ADAMTS2: variants seen among roughly 807,000 people sequenced by gnomAD.
ADAMTS2 encodes A disintegrin and metalloproteinase with thrombospondin motifs 2.
Under a neutral mutation model 123.0 loss-of-function variants are expected in ADAMTS2, and 50 were observed. The ratio of observed to expected loss-of-function variants is 0.41; its 90% CI spans 0.32 to 0.51. The LOEUF (loss-of-function observed/expected upper bound fraction) is 0.51, where lower values mean the gene tolerates loss of function less well. ADAMTS2 is among the 20% of genes least tolerant of loss of function. The pLI is 0.35. For synonymous variants in ADAMTS2, 678 were observed against 695.4 expected (o/e 0.98, Z 0.39); for missense variants, 1,494 against 1,705.2 (o/e 0.88, Z 2.18).
At chr5:179,186,390 G>A (rs1295847190) in intron 4 of ADAMTS2, among the ~76,000 whole-genome samples, 1 of 152,230 alleles carries the variant, frequency 6.6e-6, no homozygotes, top group Non-Finnish European at 1.5e-5. Flanking sequence ...ATCAGGAACA[G>A]ACATGGGGGG....
chr5:179,209,727 T>C (rs1764808005), intron 3 of ADAMTS2, among the ~76,000 whole-genome samples: 1 of 152,162 alleles, frequency 6.6e-6, no homozygotes, highest in South Asian at 2.1e-4. Flanking sequence ...CTCAGGGCCA[T>C]CCATGCCGTT....
intron 5 of ADAMTS2, among the ~76,000 whole-genome samples, chr5:179,179,118 T>C (rs1763991996): frequency 6.6e-6 from 1 of 152,088 alleles, no homozygotes; most frequent in Non-Finnish European, 1.5e-5. Context: ...CTAATTTTTG[T>C]ATTTTTTTGG....
At position 179,181,846 on chromosome 5, in the gene ADAMTS2, C is replaced by T. The variant is rs902531403; in HGVS notation, c.892-691G>A. Among the ~76,000 whole-genome samples, 1 of 152,100 alleles carries T rather than the reference C, an allele frequency of 6.6e-6. No individual in the cohort carries two copies. The highest frequency in any genetic ancestry group is 2.4e-5 in the African/African-American group (1 of 41,406). ...TGGGCTTCAGCAGATATCAAAGGGA[C>T]CCGTGGCACAAAAACAGGGGGGTGA... is the stretch of plus-strand genomic sequence containing the variant. On this transcript the variant is annotated intron_variant, in intron 4 of 21. Transcript: ENST00000251582. The surrounding 1 kb of genome is among the most constrained non-coding windows in gnomAD (Gnocchi z 4.1).
chr5:179,245,791 A>ACAAAC (rs1561628647), intron 3 of ADAMTS2, among the ~76,000 whole-genome samples: 2 of 85,644 alleles, frequency 2.3e-5, no homozygotes, highest in African/African-American at 6.5e-5. Context: ...AAAAAAAAAA[A>ACAAAC]AAAACAAAAA....
At position 179,178,789 on chromosome 5, in the gene ADAMTS2, G is replaced by A. The variant is rs1763985523; in HGVS notation, c.975+2283C>T. On this transcript the variant is annotated intron_variant, in intron 5 of 21. Transcript: ENST00000251582. ...TGTTGCTGTTGAAATTCATTCAAAT[G>A]TACTGAGTTGAAGGCAGGGCTAATG... Among the ~76,000 whole-genome samples the A allele has an allele frequency of 1.3e-5, 2 of 152,110 alleles. 1 individual carries two copies. Among genetic ancestry groups the A allele is most frequent in the Non-Finnish European group, 2.9e-5 (2 of 68,018 alleles).
chr5:179,271,788 G>C (rs1219249814), intron 3 of ADAMTS2, among the ~76,000 whole-genome samples: 1 of 152,226 alleles, frequency 6.6e-6, no homozygotes, highest in Non-Finnish European at 1.5e-5. Flanking sequence ...CATGAAATTA[G>C]AAGTATGCCT....
At chr5:179,253,397 A>G (rs894424132) in intron 3 of ADAMTS2, among the ~76,000 whole-genome samples, 1 of 152,128 alleles carries the variant, frequency 6.6e-6, no homozygotes, top group African/African-American at 2.4e-5. Flanking sequence ...TAATCCCAGC[A>G]CTTTGGGAGG....
chr5:179,260,822 T>G lies in ADAMTS2; in HGVS notation c.688+12089A>C, dbSNP rs1272700063. Among the ~76,000 whole-genome samples the G allele has an allele frequency of 6.6e-6, 1 of 152,204 alleles. No homozygotes were observed. Among genetic ancestry groups the G allele is most frequent in the African/African-American group, 2.4e-5 (1 of 41,458 alleles). On this transcript the variant is annotated intron_variant, in intron 3 of 21. Coordinates refer to ENST00000251582, the MANE Select transcript of ADAMTS2 (RefSeq NM_014244.5). The surrounding 1 kb of genome is among the most constrained non-coding windows in gnomAD (Gnocchi z 4.2). ...CAACGGTAAGTGCTCCAGGAACGCG[T>G]CACGTTCTTCTTGCTCCCTGCTGTT...
rs1384098366 is a variant in ADAMTS2 at position 179,262,724 on chromosome 5, C to T, written c.688+10187G>A. On this transcript the variant is annotated intron_variant, in intron 3 of 21. Coordinates refer to ENST00000251582, the MANE Select transcript of ADAMTS2 (RefSeq NM_014244.5). This position sits in a 1 kb window ranked among gnomAD's most constrained non-coding sequence, Gnocchi z 5.9. ...GCCTTCTCACGCTGCCCTTTCACCCCGTTTTACTTTGTTCACAGGATTCTC... is the reference window on the plus strand; with the variant it reads ...GCCTTCTCACGCTGCCCTTTCACCCTGTTTTACTTTGTTCACAGGATTCTC... 2.0e-5 allele frequency among the ~76,000 whole-genome samples: 3 copies of T among 152,192 alleles called. No individual in the cohort carries two copies. The highest frequency in any genetic ancestry group is 1.9e-4 in the East Asian group (1 of 5,198).
chr5:179,125,304 T>TC, intron 18 of ADAMTS2, 124 bp from the exon 19 acceptor site: 1 of 793,364 alleles, frequency 1.3e-6, no homozygotes, highest in Admixed American at 2.0e-5. Context: ...CCTGCACCCC[T>TC]CCCCGGTGCA....
chr5:179,222,955 C>T (rs1436857584), intron 3 of ADAMTS2, among the ~76,000 whole-genome samples: 3 of 152,222 alleles, frequency 2.0e-5, no homozygotes, highest in Non-Finnish European at 2.9e-5. Context: ...AACCCCTCCC[C>T]CTGCTTCCAG....
chr5:179,111,086 A>C lies in ADAMTS2; in HGVS notation c.*2781T>G, dbSNP rs1211837953. 1.3e-5 allele frequency: 2 copies of C among 152,218 alleles called. No homozygotes were observed. The highest frequency in any genetic ancestry group is 2.9e-5 in the Non-Finnish European group (2 of 68,040). The allele number at this position is 152,218 out of a possible 1,614,324, so 9.4% of individuals were successfully genotyped here. ...ATTGAGCACCATGTATATACTCAAA[A>C]CAAACAGAAAAACCTTAAAATACAA... On this transcript the variant is annotated 3_prime_UTR_variant, in exon 22 of 22. Coordinates refer to ENST00000251582, the MANE Select transcript of ADAMTS2 (RefSeq NM_014244.5).
chr5:179,316,526 G>A (rs763561814), intron 2 of ADAMTS2, among the ~76,000 whole-genome samples: 21 of 152,222 alleles, frequency 1.4e-4, no homozygotes, highest in Non-Finnish European at 2.4e-4. Flanking sequence ...CCCAGGGATG[G>A]CATTTGAGAC....
Position 179,288,092 on chromosome 5 carries a change from C to T in ADAMTS2, c.535-15028G>A, listed in dbSNP as rs113051463. On this transcript the variant is annotated intron_variant, in intron 2 of 21. Coordinates refer to ENST00000251582, the MANE Select transcript of ADAMTS2 (RefSeq NM_014244.5). ...CAGTTTTCCCAGCCAGAGGACCCCC[C>T]CTTTCACTTTCCATCACAGGCTGTC... is the stretch of plus-strand genomic sequence containing the variant. Among the ~76,000 whole-genome samples the T allele has an allele frequency of 4.6e-3, 705 of 152,354 alleles. 3 individuals are homozygous for T. Among genetic ancestry groups the T allele is most frequent in the African/African-American group, 0.016 (670 of 41,572 alleles).
chr5:179,340,526 A>T (rs901211948), intron 2 of ADAMTS2, among the ~76,000 whole-genome samples: 3 of 152,196 alleles, frequency 2.0e-5, no homozygotes, highest in African/African-American at 7.2e-5. Flanking sequence ...ATGCATTTTT[A>T]AAATTCTTTT....
At chr5:179,200,694 G>C (rs1242834392) in intron 4 of ADAMTS2, among the ~76,000 whole-genome samples, 2 of 152,136 alleles carry the variant, frequency 1.3e-5, no homozygotes, top group Non-Finnish European at 2.9e-5. Context: ...TTCTGGGGAG[G>C]GCAGGAGGCA....
rs974625723 is a variant in ADAMTS2 at position 179,332,483 on chromosome 5, A to G, written c.534+11284T>C. Among the ~76,000 whole-genome samples the G allele has an allele frequency of 1.1e-4, 16 of 152,364 alleles. 1 individual carries two copies. The South Asian group carries it at 3.3e-3, about 32-fold the overall frequency. On this transcript the variant is annotated intron_variant, in intron 2 of 21. Coordinates refer to ENST00000251582, the MANE Select transcript of ADAMTS2 (RefSeq NM_014244.5). The surrounding 1 kb of genome is among the most constrained non-coding windows in gnomAD (Gnocchi z 4.2). ...AATAAAAGGTGTTTCTATCACCCTT[A>G]ACACTCAGGAAATTACAAAGGTTTT... is the stretch of plus-strand genomic sequence containing the variant.
intron 2 of ADAMTS2, among the ~76,000 whole-genome samples, chr5:179,273,762 T>C (rs1204409198): frequency 3.3e-5 from 5 of 152,106 alleles, no homozygotes; most frequent in Non-Finnish European, 1.5e-5. Flanking sequence ...GCAGCTGAAC[T>C]GCTGCCCCTG....
At chr5:179,338,933 G>A (rs948016837) in intron 2 of ADAMTS2, among the ~76,000 whole-genome samples, 1 of 152,142 alleles carries the variant, frequency 6.6e-6, no homozygotes, top group African/African-American at 2.4e-5. Context: ...GGTGGGGTCT[G>A]GAGGAGAGTG....
Sources: allele counts gnomAD v4.1 joint callset (sites outside exome capture counted in the v4.1 genomes callset), GRCh38; gene constraint gnomAD v4.1.1; non-coding constraint Gnocchi (gnomAD v3.1); transcripts MANE v1.5; gene names NCBI Gene and HGNC (gene_info 2026-07-23, HGNC 2026-07-21).